Variants in KAZN observed in about 807,000 individuals in gnomAD.
KAZN encodes kazrin, periplakin interacting protein.
Under a neutral mutation model 87.4 loss-of-function variants are expected in KAZN, and 40 were observed. The observed-to-expected ratio is 0.46, with a 90% CI of 0.36 to 0.60. The LOEUF (loss-of-function observed/expected upper bound fraction) is 0.60. Ranked by LOEUF, KAZN falls within the 20% of genes least tolerant of loss-of-function variation. KAZN has a pLI of 0.00. For missense variants in KAZN, 898 were observed against 1,073.9 expected, an observed-to-expected ratio of 0.84 and a Z score of 2.29; for synonymous variants, 466 against 458.3, an observed-to-expected ratio of 1.02 and a Z score of -0.22.
intron 2 of KAZN, among the ~76,000 whole-genome samples, chr1:14,541,131 G>A (rs1269128008): frequency 6.6e-6 from 1 of 151,418 alleles, no homozygotes; most frequent in Non-Finnish European, 1.5e-5. Flanking sequence ...GCTCTCCCAA[G>A]ATCCTGCTAC....
intron 4 of KAZN, among the ~76,000 whole-genome samples, chr1:15,046,757 G>A (rs775539028): frequency 2.0e-5 from 3 of 152,336 alleles, no homozygotes; most frequent in Non-Finnish European, 4.4e-5. Context: ...TGCGGCTGCA[G>A]GGACTTCTGG....
At chr1:14,126,245 G>C (rs936590233) in intron 1 of KAZN, among the ~76,000 whole-genome samples, 1 of 152,146 alleles carries the variant, frequency 6.6e-6, no homozygotes, top group African/African-American at 2.4e-5. Flanking sequence ...CTCATTGTGG[G>C]TTTCCCTAGG....
intron 2 of KAZN, among the ~76,000 whole-genome samples, chr1:14,339,627 T>C (rs1557649656): frequency 6.6e-6 from 1 of 152,154 alleles, no homozygotes; most frequent in East Asian, 1.9e-4. Flanking sequence ...CTTTTATGTG[T>C]GGGGGGAAGT....
intron 2 of KAZN, among the ~76,000 whole-genome samples, chr1:14,354,815 T>C (rs1301414266): frequency 1.3e-5 from 2 of 152,166 alleles, no homozygotes; most frequent in Admixed American, 6.6e-5. Flanking sequence ...ATGTTATATA[T>C]ACAGCTATCC....
intron 2 of KAZN, among the ~76,000 whole-genome samples, chr1:14,576,332 G>GGATGGATA (rs1276972782): frequency 4.6e-5 from 5 of 108,256 alleles, no homozygotes; most frequent in African/African-American, 1.1e-4. Context: ...ATGGATGGAT[G>GGATGGATA]GACGGACAGA....
intron 1 of KAZN, among the ~76,000 whole-genome samples, chr1:14,064,590 A>G (rs1642931795): frequency 6.6e-6 from 1 of 150,694 alleles, no homozygotes; most frequent in South Asian, 2.1e-4. Context: ...TTTAGCACCC[A>G]TTTGAGCTGA....
chr1:13,982,541 C>T (rs886325766), intron 1 of KAZN, among the ~76,000 whole-genome samples: 1 of 152,186 alleles, frequency 6.6e-6, no homozygotes, highest in African/African-American at 2.4e-5. Context: ...TGGAAAGCGA[C>T]CCGAGGTGGT....
rs147207462 is a variant in KAZN, at chr1:15,051,590, C to CT, written c.727-4501_727-4500insT. Among the ~76,000 whole-genome samples, 509 of 152,344 alleles carry CT rather than the reference C, an allele frequency of 3.3e-3. 3 individuals carry two copies. In the South Asian group the frequency reaches 0.042, roughly 13 times the overall value. On this transcript the variant is annotated intron_variant, in intron 4 of 14. Coordinates refer to ENST00000376030, the MANE Select transcript of KAZN (RefSeq NM_201628.3). Reference sequence around the variant, plus strand: ...TTTTACCCTGGACCAAGCACTTTCCCAGCAACCATGTGAGGGAGGAACTGT... The same window carrying CT: ...TTTTACCCTGGACCAAGCACTTTCCCTAGCAACCATGTGAGGGAGGAACTGT...
At chr1:14,737,670 G>GC (rs978661406) in intron 1 of KAZN, among the ~76,000 whole-genome samples, 5 of 152,208 alleles carry the variant, frequency 3.3e-5, no homozygotes, top group African/African-American at 1.2e-4. Flanking sequence ...TGGCTGAGCT[G>GC]CATTTCTTCT....
At chr1:14,112,794 A>G (rs13374174) in intron 1 of KAZN, among the ~76,000 whole-genome samples, 1 of 152,012 alleles carries the variant, frequency 6.6e-6, no homozygotes, top group Admixed American at 6.5e-5. Context: ...TGTTCCTGCC[A>G]TGCCCTTTGC....
intron 1 of KAZN, among the ~76,000 whole-genome samples, chr1:14,655,257 G>T (rs766949801): frequency 6.6e-6 from 1 of 152,124 alleles, no homozygotes; most frequent in Admixed American, 6.5e-5. Flanking sequence ...GGGAGGCTAG[G>T]GGGTGTTTAG....
At chr1:14,753,300 C>T (rs960827872) in intron 1 of KAZN, among the ~76,000 whole-genome samples, 1 of 152,142 alleles carries the variant, frequency 6.6e-6, no homozygotes, top group Non-Finnish European at 1.5e-5. Flanking sequence ...CTTTAGTGAG[C>T]ACCTCCTGTT....
At chr1:14,003,274 A>G (rs1639882490) in intron 1 of KAZN, among the ~76,000 whole-genome samples, 1 of 151,734 alleles carries the variant, frequency 6.6e-6, no homozygotes, top group African/African-American at 2.4e-5. Context: ...TGGCACATGT[A>G]TACCTATGTA....
intron 1 of KAZN, among the ~76,000 whole-genome samples, chr1:14,110,512 CTTA>C (rs2101671146): frequency 6.6e-6 from 1 of 152,336 alleles, no homozygotes; most frequent in Non-Finnish European, 1.5e-5. Context: ...TTTAGGCACT[CTTA>C]TTATCCAGAT....
intron 2 of KAZN, among the ~76,000 whole-genome samples, chr1:14,304,236 G>C (rs1179734599): frequency 6.6e-6 from 1 of 152,226 alleles, no homozygotes; most frequent in African/African-American, 2.4e-5. Flanking sequence ...AGTTTGCAAA[G>C]TGCTCAAAGA....
At chr1:14,405,076 G>A (rs1398740624) in intron 2 of KAZN, among the ~76,000 whole-genome samples, 1 of 152,186 alleles carries the variant, frequency 6.6e-6, no homozygotes, top group Non-Finnish European at 1.5e-5. Flanking sequence ...ATAGCAGTGT[G>A]TGTGAATAAA....
chr1:13,897,461 C>T (rs1348988528), intron 1 of KAZN, among the ~76,000 whole-genome samples: 1 of 152,188 alleles, frequency 6.6e-6, no homozygotes, highest in African/African-American at 2.4e-5. Context: ...CCACCATCCA[C>T]ACACGAGGCC....
chr1:14,476,774 C>A (rs1324254267), intron 2 of KAZN, among the ~76,000 whole-genome samples: 1 of 152,136 alleles, frequency 6.6e-6, no homozygotes, highest in African/African-American at 2.4e-5. Context: ...CAGTAGGATT[C>A]CAAATTCTTT....
chr1:14,895,226 G>T (rs969942203), intron 1 of KAZN, among the ~76,000 whole-genome samples: 16 of 152,224 alleles, frequency 1.1e-4, no homozygotes, highest in African/African-American at 3.6e-4. Context: ...AGCCATGGGG[G>T]CTGTCTTTGG....
Sources: gnomAD v4.1 joint callset for allele counts (sites outside exome capture counted in the v4.1 genomes callset) on GRCh38, gnomAD v4.1.1 for gene constraint, MANE v1.5 for transcripts, NCBI Gene and HGNC (gene_info 2026-07-23, HGNC 2026-07-21) for gene names.